The following SUCLG2 variants were observed in gnomAD, a reference collection of about 807,000 sequenced individuals.
SUCLG2 encodes the protein succinate--CoA ligase [GDP-forming] subunit beta, mitochondrial.
In SUCLG2, 42 loss-of-function variants were observed where a neutral mutation model predicts 47.9. That is an observed-to-expected ratio of 0.88 (90% CI 0.69 to 1.14). The LOEUF is 1.14. SUCLG2 is among the 50% of genes most tolerant of loss of function. The pLI is 0.00. For synonymous variants in SUCLG2, 195 were observed against 197.3 expected (o/e 0.99, Z 0.10); for missense variants, 571 against 525.9 (o/e 1.09, Z -0.84).
intron 10 of SUCLG2, among the ~76,000 whole-genome samples, chr3:67,395,826 A>C (rs2106801520): frequency 6.6e-6 from 1 of 152,364 alleles, no homozygotes; most frequent in East Asian, 1.9e-4. Context: ...ACTGTCTCTC[A>C]GACCACAGTG....
Position 67,401,268 on chromosome 3 carries a change from A to G in SUCLG2, c.1063-417T>C, listed in dbSNP as rs149529441. Among the ~76,000 whole-genome samples the G allele has an allele frequency of 5.7e-3, 873 of 152,242 alleles. 7 individuals are homozygous for G. The highest frequency in any genetic ancestry group is 0.02 in the African/African-American group (842 of 41,536). On this transcript the variant is annotated intron_variant, in intron 9 of 10. Transcript: ENST00000307227. The stretch of plus-strand genomic sequence containing the variant: ...TCATGGTGCCTCACACAATATTTCA[A>G]AATCAGAAACCATTTATTGTTTTGT...
At chr3:67,567,641 C>G (rs1191476212) in intron 2 of SUCLG2, among the ~76,000 whole-genome samples, 1 of 152,136 alleles carries the variant, frequency 6.6e-6, no homozygotes, top group Admixed American at 6.5e-5. Flanking sequence ...TTGGCAACCA[C>G]TATATTCAAG....
At chr3:67,391,491 T>C (rs17194986) in intron 10 of SUCLG2, among the ~76,000 whole-genome samples, 11,877 of 152,176 alleles carry the variant, frequency 0.078, 511 homozygotes, top group Admixed American at 0.12. Flanking sequence ...AGTTTTCAGC[T>C]GTGTCCCATA....
chr3:67,388,884 T>C (rs148123406), intron 10 of SUCLG2, among the ~76,000 whole-genome samples: 16 of 152,180 alleles, frequency 1.1e-4, no homozygotes, highest in Middle Eastern at 3.4e-3. Flanking sequence ...AATTGAATCA[T>C]TGCAAAGGAA....
chr3:67,507,646 ATAGTG>A (rs996400998), intron 7 of SUCLG2, among the ~76,000 whole-genome samples: 2 of 152,206 alleles, frequency 1.3e-5, no homozygotes, highest in Admixed American at 6.5e-5. Flanking sequence ...GAAGGAAATG[ATAGTG>A]TAGTTTCTCT....
chr3:67,545,285 T>C (rs1706834630), intron 2 of SUCLG2, among the ~76,000 whole-genome samples: 1 of 152,176 alleles, frequency 6.6e-6, no homozygotes, highest in Non-Finnish European at 1.5e-5. Context: ...CAGGAGGCAT[T>C]TGTCTTCAAT....
intron 2 of SUCLG2, among the ~76,000 whole-genome samples, chr3:67,591,368 A>G (rs546098468): frequency 6.6e-6 from 1 of 152,346 alleles, no homozygotes; most frequent in Non-Finnish European, 1.5e-5. Context: ...ACTGAGATTG[A>G]AAAAGTCAAA....
At chr3:67,383,863 C>T (rs952206188) in intron 10 of SUCLG2, among the ~76,000 whole-genome samples, 4 of 152,158 alleles carry the variant, frequency 2.6e-5, no homozygotes, top group African/African-American at 9.7e-5. Context: ...TCTGTGCTCA[C>T]CTGCCATCAT....
chr3:67,458,122 C>T (rs1444253006), intron 9 of SUCLG2, among the ~76,000 whole-genome samples: 1 of 152,098 alleles, frequency 6.6e-6, no homozygotes, highest in Non-Finnish European at 1.5e-5. Context: ...AGGGAAGAGG[C>T]CCGCCTTCCC....
intron 2 of SUCLG2, among the ~76,000 whole-genome samples, chr3:67,597,940 AAAAC>A (rs745959411): frequency 1.7e-4 from 26 of 152,158 alleles, no homozygotes; most frequent in African/African-American, 5.1e-4. Flanking sequence ...TCCATCTCAA[AAAAC>A]AAACAAACAA....
chr3:67,599,149 A>G (rs1708359784), intron 2 of SUCLG2, among the ~76,000 whole-genome samples: 1 of 152,194 alleles, frequency 6.6e-6, no homozygotes, highest in Admixed American at 6.5e-5. Flanking sequence ...CATTTTACAG[A>G]TGAGGAAACT....
At chr3:67,625,941 G>T (rs1467507257) in intron 1 of SUCLG2, among the ~76,000 whole-genome samples, 6 of 152,008 alleles carry the variant, frequency 3.9e-5, no homozygotes, top group Admixed American at 3.9e-4. Flanking sequence ...ATAAGAACTA[G>T]ATTGAAGTAG....
intron 9 of SUCLG2, among the ~76,000 whole-genome samples, chr3:67,462,171 C>G (rs1704353142): frequency 6.6e-6 from 1 of 152,132 alleles, no homozygotes; most frequent in South Asian, 2.1e-4. Flanking sequence ...CAATCTCTCT[C>G]TCTCTCTCTC....
intron 9 of SUCLG2, among the ~76,000 whole-genome samples, chr3:67,470,165 G>T (rs1475940366): frequency 6.6e-6 from 1 of 151,798 alleles, no homozygotes; most frequent in East Asian, 1.9e-4. Flanking sequence ...TCAGGGAATA[G>T]AATGTAACTA....
chr3:67,419,844 A>G (rs181918041), intron 9 of SUCLG2, among the ~76,000 whole-genome samples: 46 of 152,334 alleles, frequency 3.0e-4, no homozygotes, highest in African/African-American at 1.1e-3. Flanking sequence ...GACAGGTTGC[A>G]TGATTAAATG....
chr3:67,393,851 A>T (rs1702455726), intron 10 of SUCLG2, among the ~76,000 whole-genome samples: 1 of 152,168 alleles, frequency 6.6e-6, no homozygotes. Flanking sequence ...AGACAGCAGC[A>T]TTCGCGGTTC....
At chr3:67,546,628 G>A (rs774850117) in intron 2 of SUCLG2, among the ~76,000 whole-genome samples, 9 of 152,218 alleles carry the variant, frequency 5.9e-5, no homozygotes, top group Non-Finnish European at 1.2e-4. Context: ...CCAGCTACTC[G>A]GGAGACTGAG....
At chr3:67,604,355 T>C (rs1049359595) in intron 2 of SUCLG2, among the ~76,000 whole-genome samples, 2 of 152,226 alleles carry the variant, frequency 1.3e-5, no homozygotes, top group African/African-American at 4.8e-5. Flanking sequence ...TTTATTAATA[T>C]GCATTTTCCA....
intron 9 of SUCLG2, among the ~76,000 whole-genome samples, chr3:67,401,384 T>TTA (rs1404601271): frequency 1.3e-5 from 2 of 152,122 alleles, no homozygotes; most frequent in East Asian, 3.9e-4. Flanking sequence ...CAGAGATAGT[T>TTA]TAATTATCTT....
Sources: allele counts gnomAD v4.1 joint callset (sites outside exome capture counted in the v4.1 genomes callset), GRCh38; gene constraint gnomAD v4.1.1; transcripts MANE v1.5; gene names NCBI Gene and HGNC (gene_info 2026-07-23, HGNC 2026-07-21).